Variants in CAMK4 observed in about 807,000 individuals in gnomAD.
CAMK4 encodes the protein calcium/calmodulin-dependent protein kinase type IV.
Under a neutral mutation model 44.9 loss-of-function variants are expected in CAMK4, and 22 were observed. The ratio of observed to expected loss-of-function variants is 0.49; its 90% CI spans 0.35 to 0.70. The LOEUF (loss-of-function observed/expected upper bound fraction) is 0.70, where lower values mean the gene tolerates loss of function less well. Among genes scored for constraint, CAMK4 ranks in the 30% least tolerant of loss-of-function variants. The pLI, the probability that CAMK4 is intolerant of heterozygous loss-of-function variation, is 0.01. For missense variants in CAMK4, 498 were observed against 586.8 expected (o/e 0.85, Z 1.56); for synonymous variants, 218 against 215.4 (o/e 1.01, Z -0.11).
rs1755953906 is a variant in CAMK4 at position 111,493,848 on chromosome 5, G to A, written c.*9382G>A. On this transcript the variant is annotated 3_prime_UTR_variant, in exon 11 of 11. Transcript: ENST00000282356. The surrounding 1 kb of genome is among the most constrained non-coding windows in gnomAD (Gnocchi z 4.1). The stretch of plus-strand genomic sequence containing the variant: ...ATAATGCCTGTGATTAGTGAATGGC[G>A]GCATTATTCCTGAAGACAAATGAAG... 6.6e-6 allele frequency: 1 copy of A among 152,082 alleles called. No homozygotes were observed. Among genetic ancestry groups the A allele is most frequent in the East Asian group, 1.9e-4 (1 of 5,202 alleles). The allele number at this position is 152,082 out of a possible 1,614,324, so 9.4% of individuals were successfully genotyped here.
intron 1 of CAMK4, among the ~76,000 whole-genome samples, chr5:111,274,967 T>C (rs1303810328): frequency 1.3e-5 from 2 of 152,126 alleles, no homozygotes; most frequent in African/African-American, 2.4e-5. Context: ...GTAAATATGA[T>C]GGTTGCTCTT....
At chr5:111,318,405 T>G (rs572547162) in intron 1 of CAMK4, among the ~76,000 whole-genome samples, 1 of 152,288 alleles carries the variant, frequency 6.6e-6, no homozygotes, top group South Asian at 2.1e-4. Flanking sequence ...ATACTGTTTA[T>G]AAAGTATAAG....
rs1329438466 is a variant in CAMK4 at position 111,368,461 on chromosome 5, A to G, written c.241-6389A>G. Among the ~76,000 whole-genome samples, 7 of 152,296 alleles carry G rather than the reference A, an allele frequency of 4.6e-5. No homozygotes were observed. In the East Asian group the frequency reaches 1.4e-3, roughly 29 times the overall value. On this transcript the variant is annotated intron_variant, in intron 2 of 10. Coordinates refer to ENST00000282356, the MANE Select transcript of CAMK4 (RefSeq NM_001744.6). ...AGAATATTGGAAAGGTTGAAAGGAG[A>G]TGGCTATCAAGACCCACACTTGTGT...
chr5:111,432,721 T>C (rs934086234), intron 5 of CAMK4, among the ~76,000 whole-genome samples: 1 of 150,610 alleles, frequency 6.6e-6, no homozygotes, highest in Non-Finnish European at 1.5e-5. Flanking sequence ...AGCACAAATA[T>C]GTGCTAGACT....
chr5:111,236,716 C>A (rs768152056), intron 1 of CAMK4, among the ~76,000 whole-genome samples: 3 of 152,190 alleles, frequency 2.0e-5, no homozygotes, highest in Non-Finnish European at 4.4e-5. Context: ...CCCACTCACA[C>A]CATTTCATAA....
At chr5:111,373,253 G>A (rs1177476652) in intron 2 of CAMK4, among the ~76,000 whole-genome samples, 2 of 152,038 alleles carry the variant, frequency 1.3e-5, no homozygotes, top group Non-Finnish European at 2.9e-5. Context: ...GCGTATACGG[G>A]TGAAATAAAC....
chr5:111,465,086 G>A (rs578102726), intron 7 of CAMK4, among the ~76,000 whole-genome samples: 4 of 152,182 alleles, frequency 2.6e-5, no homozygotes, highest in South Asian at 4.2e-4. Flanking sequence ...TCCTAATTCT[G>A]CCCTGTGGAG....
intron 7 of CAMK4, among the ~76,000 whole-genome samples, chr5:111,453,464 T>TGAGA (rs1170893356): frequency 1.3e-5 from 2 of 152,218 alleles, no homozygotes; most frequent in African/African-American, 2.4e-5. Flanking sequence ...CAGTCTGGCA[T>TGAGA]GTATCTTTCT....
chr5:111,337,418 C>T (rs552241941), intron 1 of CAMK4, among the ~76,000 whole-genome samples: 1 of 150,644 alleles, frequency 6.6e-6, no homozygotes, highest in Admixed American at 6.6e-5. Flanking sequence ...TATAAAACAT[C>T]GTCAAGCTGT....
chr5:111,242,228 C>G (rs538134690), intron 1 of CAMK4, among the ~76,000 whole-genome samples: 1 of 152,168 alleles, frequency 6.6e-6, no homozygotes, highest in African/African-American at 2.4e-5. Context: ...CCTAATAAGA[C>G]ATATTCTCCC....
intron 1 of CAMK4, among the ~76,000 whole-genome samples, chr5:111,321,342 G>A (rs1748653529): frequency 6.6e-6 from 1 of 152,162 alleles, no homozygotes; most frequent in Middle Eastern, 3.4e-3. Flanking sequence ...TTTATATGTT[G>A]GCAAAACATT....
intron 5 of CAMK4, among the ~76,000 whole-genome samples, chr5:111,407,321 A>G (rs549155353): frequency 6.6e-6 from 1 of 150,636 alleles, no homozygotes; most frequent in South Asian, 2.1e-4. Context: ...ACTGCACTCT[A>G]GCCTGGGTGA....
intron 1 of CAMK4, among the ~76,000 whole-genome samples, chr5:111,249,797 CT>C (rs1031528141): frequency 6.6e-6 from 1 of 151,148 alleles, no homozygotes; most frequent in African/African-American, 2.4e-5. Flanking sequence ...TTGTTGATTG[CT>C]TTCTCAATAT....
chr5:111,325,236 C>T (rs389867), intron 1 of CAMK4, among the ~76,000 whole-genome samples: 74,050 of 151,696 alleles, frequency 0.49, 18,600 homozygotes, highest in African/African-American at 0.6. Flanking sequence ...ATATATATGC[C>T]ACATTTTCTT....
chr5:111,437,731 G>C (rs1753695844), intron 5 of CAMK4, among the ~76,000 whole-genome samples: 1 of 152,066 alleles, frequency 6.6e-6, no homozygotes, highest in African/African-American at 2.4e-5. Flanking sequence ...AGAGATGAAG[G>C]ATTTTGAAAA....
intron 1 of CAMK4, among the ~76,000 whole-genome samples, chr5:111,333,366 G>C (rs1749255954): frequency 6.6e-6 from 1 of 151,444 alleles, no homozygotes; most frequent in Non-Finnish European, 1.5e-5. Context: ...TGTTTGATTA[G>C]TTGATACTAA....
chr5:111,354,528 G>A (rs1410433486), intron 2 of CAMK4, among the ~76,000 whole-genome samples: 5 of 151,374 alleles, frequency 3.3e-5, no homozygotes, highest in South Asian at 2.1e-4. Context: ...ACATCAGAAC[G>A]TCACATTGTA....
At chr5:111,476,265 G>T (rs251140) in intron 8 of CAMK4, among the ~76,000 whole-genome samples, 413 of 116,280 alleles carry the variant, frequency 3.6e-3, no homozygotes, top group African/African-American at 0.013. Context: ...GTGTGTGTGT[G>T]TGTGTTTGTG....
intron 7 of CAMK4, among the ~76,000 whole-genome samples, chr5:111,470,821 G>A (rs1755037983): frequency 6.6e-6 from 1 of 152,206 alleles, no homozygotes; most frequent in Non-Finnish European, 1.5e-5. Flanking sequence ...GGTGGAGAAG[G>A]ATTCTCTGGT....
Sources: gnomAD v4.1 joint callset for allele counts (sites outside exome capture counted in the v4.1 genomes callset) on GRCh38, gnomAD v4.1.1 for gene constraint, Gnocchi (gnomAD v3.1) non-coding constraint, MANE v1.5 for transcripts, NCBI Gene and HGNC (gene_info 2026-07-23, HGNC 2026-07-21) for gene names.